Variants in STIM1 observed in about 807,000 individuals in gnomAD.
The protein encoded by STIM1 is stromal interaction molecule 1.
STIM1 carries 25 observed loss-of-function variants against 74.7 expected under a neutral mutation model. That is an observed-to-expected ratio of 0.33 (90% confidence interval 0.24 to 0.47). The LOEUF (loss-of-function observed/expected upper bound fraction) is 0.47, where lower values mean the gene tolerates loss of function less well. Ranked by LOEUF, STIM1 falls within the 20% of genes least tolerant of loss-of-function variation. The pLI, the probability that STIM1 is intolerant of heterozygous loss-of-function variation, is 1.00. For missense variants in STIM1, 728 were observed against 920.8 expected (o/e 0.79, Z 2.71); for synonymous variants, 328 against 348.8 (o/e 0.94, Z 0.66).
At position 3,919,268 on chromosome 11, in the gene STIM1, C is replaced by T. The variant is rs544401091; in HGVS notation, c.140-48284C>T. ...CTGCCCAGGCTGGAGTGCAATGGTG[C>T]GATCTCGGCTTACTGCAACCTCTGC... On this transcript the variant is annotated intron_variant, in intron 1 of 12. Transcript: ENST00000526596. 4.6e-5 allele frequency among the ~76,000 whole-genome samples: 7 copies of T among 152,114 alleles called. No individual in the cohort carries two copies. In the East Asian group the frequency reaches 9.6e-4, roughly 21 times the overall value.
intron 1 of STIM1, among the ~76,000 whole-genome samples, chr11:3,886,799 C>T (rs1201630136): frequency 7.3e-5 from 11 of 150,586 alleles, no homozygotes; most frequent in East Asian, 3.9e-4. Context: ...GTCAGGAGAT[C>T]GAGATCATCC....
chr11:4,083,592 C>T, intron 10 of STIM1, 94 bp downstream of exon 10: 1 of 1,172,718 alleles, frequency 8.5e-7, no homozygotes, highest in Non-Finnish European at 1.2e-6. Flanking sequence ...GCAGATGGGG[C>T]AGATACCCAG....
At chr11:4,044,194 G>A (rs1308768389) in intron 3 of STIM1, among the ~76,000 whole-genome samples, 1 of 152,128 alleles carries the variant, frequency 6.6e-6, no homozygotes, top group African/African-American at 2.4e-5. Flanking sequence ...CTCAGGGGAT[G>A]GGAGACTTAT....
intron 1 of STIM1, among the ~76,000 whole-genome samples, chr11:3,897,164 T>C (rs987693350): frequency 5.9e-5 from 9 of 152,210 alleles, no homozygotes; most frequent in Non-Finnish European, 1.2e-4. Flanking sequence ...ACTAAGTTAA[T>C]TGTTTCCAGG....
At chr11:4,091,228 T>C in intron 12 of STIM1, 54 bp from the exon 13 acceptor site, 1 of 1,612,020 alleles carries the variant, frequency 6.2e-7, no homozygotes, top group Admixed American at 1.7e-5. Context: ...GCCTTTCCCC[T>C]ATCACCTCAT....
chr11:3,878,053 G>T (rs1478245211), intron 1 of STIM1, among the ~76,000 whole-genome samples: 1 of 152,198 alleles, frequency 6.6e-6, no homozygotes, highest in Non-Finnish European at 1.5e-5. Flanking sequence ...TCAAGCGTTG[G>T]TAAGTTAGAC....
intron 1 of STIM1, among the ~76,000 whole-genome samples, chr11:3,876,882 A>G (rs1043281483): frequency 2.6e-5 from 4 of 152,206 alleles, no homozygotes; most frequent in African/African-American, 9.6e-5. Flanking sequence ...AGTGCCTGGC[A>G]TGTAGTAGGC....
chr11:3,974,093 G>C, intron 2 of STIM1: 1 of 698,082 alleles, frequency 1.4e-6, no homozygotes, highest in East Asian at 2.7e-5. Context: ...CTTGGTATTT[G>C]GATCTCTCAT....
chr11:3,866,429 CTTT>C (rs375183049), intron 1 of STIM1, among the ~76,000 whole-genome samples: 7 of 136,746 alleles, frequency 5.1e-5, no homozygotes, highest in Admixed American at 7.4e-5. Flanking sequence ...CTTGCTATGT[CTTT>C]TTTTTTTTTT....
chr11:4,046,876 C>T (rs996540957), intron 3 of STIM1, among the ~76,000 whole-genome samples: 3 of 152,260 alleles, frequency 2.0e-5, no homozygotes, highest in East Asian at 1.9e-4. Context: ...TCGTCTCAAA[C>T]TCCTGGCCTC....
intron 5 of STIM1, among the ~76,000 whole-genome samples, chr11:4,060,284 C>T (rs148993726): frequency 1.6e-3 from 240 of 152,260 alleles, no homozygotes; most frequent in African/African-American, 5.4e-3. Flanking sequence ...ATCTTAGGGC[C>T]CACTTCCTGC....
chr11:4,092,615 C>T lies in STIM1; in HGVS notation c.*817C>T, dbSNP rs1165480068. On this transcript the variant is annotated 3_prime_UTR_variant, in exon 13 of 13. Coordinates refer to ENST00000526596, the MANE Select transcript of STIM1 (RefSeq NM_001382567.1). ...GATTTGTCTCTAAGAGGTGCTGCCC[C>T]AAAGCTCCCCAAGCATCAATACTCC... 2 of 152,338 alleles carry T rather than the reference C, an allele frequency of 1.3e-5. No individual in the cohort carries two copies. Among genetic ancestry groups the T allele is most frequent in the African/African-American group, 4.8e-5 (2 of 41,394 alleles). The allele number at this position is 152,338 out of a possible 1,614,324, so 9.4% of individuals were successfully genotyped here. A position where few individuals can be genotyped will look rare whatever the true frequency, so the allele number is the denominator to read the frequency against.
chr11:3,903,827 C>G (rs1196212914), intron 1 of STIM1, among the ~76,000 whole-genome samples: 2 of 152,118 alleles, frequency 1.3e-5, no homozygotes, highest in Non-Finnish European at 2.9e-5. Flanking sequence ...CATGAACAAC[C>G]TGCAGGTTAC....
At chr11:4,090,122 C>T (rs1374210855) in intron 12 of STIM1, among the ~76,000 whole-genome samples, 3 of 152,124 alleles carry the variant, frequency 2.0e-5, no homozygotes, top group African/African-American at 7.2e-5. Flanking sequence ...CTCTTGCGAC[C>T]GGCCCGTACA....
At position 4,064,787 on chromosome 11, in the gene STIM1, T is replaced by C. The variant is rs182091164; in HGVS notation, c.614-5239T>C. Among the ~76,000 whole-genome samples, 158 of 152,206 alleles carry C rather than the reference T, an allele frequency of 1.0e-3. 1 individual carries two copies. Among genetic ancestry groups the C allele is most frequent in the Non-Finnish European group, 2.0e-3 (136 of 67,998 alleles). Reference sequence around the variant, plus strand: ...TAATCCTCCCCATGTGACCACAGAGTAGCACACTGCCCTTTAGGATCTTTT... The same window carrying C: ...TAATCCTCCCCATGTGACCACAGAGCAGCACACTGCCCTTTAGGATCTTTT... On this transcript the variant is annotated intron_variant, in intron 5 of 12. Transcript: ENST00000526596.
At chr11:4,000,302 C>CT (rs1215742554) in intron 2 of STIM1, among the ~76,000 whole-genome samples, 1 of 148,854 alleles carries the variant, frequency 6.7e-6, no homozygotes, top group Non-Finnish European at 1.5e-5. Context: ...TCCCTGACCC[C>CT]GACCCCCGAG....
At chr11:4,010,644 G>C (rs754644847) in intron 2 of STIM1, among the ~76,000 whole-genome samples, 2 of 152,268 alleles carry the variant, frequency 1.3e-5, no homozygotes, top group East Asian at 3.9e-4. Flanking sequence ...TAGGCTCAGA[G>C]AGGCAAAGTA....
chr11:3,971,302 G>T (rs1456159890), intron 2 of STIM1, among the ~76,000 whole-genome samples: 16 of 151,876 alleles, frequency 1.1e-4, no homozygotes, highest in Admixed American at 1.0e-3. Context: ...GGCCGAGGCG[G>T]GTGGATCACG....
chr11:3,988,160 T>C (rs1048342782), intron 2 of STIM1, among the ~76,000 whole-genome samples: 3 of 152,160 alleles, frequency 2.0e-5, no homozygotes, highest in African/African-American at 7.2e-5. Flanking sequence ...AAGCCATGTA[T>C]AGGGATGGTA....
Sources: allele counts gnomAD v4.1 joint callset (sites outside exome capture counted in the v4.1 genomes callset), GRCh38; gene constraint gnomAD v4.1.1; transcripts MANE v1.5; gene names NCBI Gene and HGNC (gene_info 2026-07-23, HGNC 2026-07-21).